Variants in WRNIP1 observed in about 807,000 individuals in gnomAD.
WRNIP1 encodes ATPase WRNIP1.
A neutral mutation model predicts 56.1 loss-of-function variants in WRNIP1; 41 were observed. That is an observed-to-expected ratio of 0.73 (90% CI 0.57 to 0.95). The LOEUF is 0.95. WRNIP1 is among the 40% of genes least tolerant of loss of function. The pLI is 0.00. For missense variants in WRNIP1, 1,170 were observed against 939.4 expected, an observed-to-expected ratio of 1.25 and a Z score of -3.21; for synonymous variants, 547 against 398.1, an observed-to-expected ratio of 1.37 and a Z score of -4.45.
In WRNIP1 at chr6:2,766,066, G is replaced by A. The variant is rs1411215226; in HGVS notation, c.444G>A (p.Ala148=). 1 of 1,295,364 alleles carries A rather than the reference G, an allele frequency of 7.7e-7. No individual in the cohort carries two copies. The highest frequency in any genetic ancestry group is 2.4e-5 in the South Asian group (1 of 41,962). 80.2% of individuals were successfully genotyped at this position (1,295,364 alleles called of 1,614,324 possible). A position where few individuals can be genotyped will look rare whatever the true frequency, so the allele number is the denominator to read the frequency against. The change falls in exon 1 of 7, where the codon GCG becomes GCA. Residue 148 remains alanine (A), a synonymous_variant. Transcript: ENST00000380773. ...GSGKRPAAAA[A]AGSASPRSWD... is the part of the protein sequence containing the mutation. The stretch of plus-strand genomic sequence containing the variant: ...GGAAGAGGCCGGCGGCCGCCGCCGC[G>A]GCGGGGAGCGCGTCTCCGCGCAGCT...
chr6:2,768,964 A>C (rs1452966259), intron 2 of WRNIP1, 82 bp downstream of exon 2: 7 of 1,378,624 alleles, frequency 5.1e-6, no homozygotes, highest in Non-Finnish European at 6.9e-6. Context: ...CAAACGCTAG[A>C]GACTTACGAG....
In WRNIP1 at chr6:2,779,387, T is replaced by G; in HGVS notation, c.1381T>G (p.Phe461Val). 1 of 1,614,182 alleles carries G rather than the reference T, an allele frequency of 6.2e-7. No homozygotes were observed. Among genetic ancestry groups the G allele is most frequent in the Non-Finnish European group, 8.5e-7 (1 of 1,180,044 alleles). ...GGCTAGGTTAAGCTCTAGGAAGATG[T>G]TCTGTAAGAAGAGTGGGCAATCCTA... is the stretch of plus-strand genomic sequence containing the variant. ...VLARLSSRKMFCKKSGQSYSP... is the reference protein window; with the variant it reads ...VLARLSSRKMVCKKSGQSYSP... Residue 461 changes from phenylalanine to valine, a missense_variant, in exon 4 of 7, where the codon TTC (phenylalanine) becomes GTC (valine). Phe to Val is a conservative substitution (Grantham distance 50, BLOSUM62 -1). Transcript: ENST00000380773.
In WRNIP1 at chr6:2,766,135, C is replaced by T. The variant is rs914310408; in HGVS notation, c.513C>T (p.Asp171=). The T allele has an allele frequency of 5.6e-6, 7 of 1,239,988 alleles. No homozygotes were observed. Among genetic ancestry groups the T allele is most frequent in the Non-Finnish European group, 7.2e-6 (7 of 970,586 alleles). 76.8% of individuals were successfully genotyped at this position (1,239,988 alleles called of 1,614,324 possible). A position where few individuals can be genotyped will look rare whatever the true frequency, so the allele number is the denominator to read the frequency against. The change falls in exon 1 of 7, where the codon GAC becomes GAT. Residue 171 remains aspartate (D), a synonymous_variant. Transcript: ENST00000380773. ...EAQEEEEAVG[D]GDGDGDADAD... ...AGGAGGAGGAGGAGGCCGTGGGCGACGGCGATGGCGACGGGGACGCGGACG... is the reference window on the plus strand; with the variant it reads ...AGGAGGAGGAGGAGGCCGTGGGCGATGGCGATGGCGACGGGGACGCGGACG...
chr6:2,765,541 GC>G lies in WRNIP1; in HGVS notation c.-80del. On this transcript the variant is annotated 5_prime_UTR_variant, in exon 1 of 7. An upstream open reading frame in the 5' UTR loses its in-frame stop. Transcript: ENST00000380773. ...CCGAGCGAGGGTCTCGCGGCGCGGG[GC>G]CTAGCGGAGGGCATCGAAGGCCTCC... The G allele has an allele frequency of 7.4e-7, 1 of 1,349,262 alleles. No individual in the cohort carries two copies. The highest frequency in any genetic ancestry group is 9.4e-7 in the Non-Finnish European group (1 of 1,058,310). The allele number at this position is 1,349,262 out of a possible 1,614,324, so 83.6% of individuals were successfully genotyped here.
chr6:2,783,346 A>G, intron 4 of WRNIP1, 60 bp from the exon 5 acceptor site: 1 of 1,477,032 alleles, frequency 6.8e-7, no homozygotes, highest in African/African-American at 1.4e-5. Flanking sequence ...GGCGGAGGTG[A>G]AGATGGCTTG....
intron 4 of WRNIP1, 83 bp downstream of exon 4, chr6:2,779,575 G>T: frequency 7.1e-7 from 1 of 1,403,794 alleles, no homozygotes; most frequent in Non-Finnish European, 9.7e-7. Flanking sequence ...GCCTGACTGG[G>T]TTCCGGAAGC....
At chr6:2,766,623 G>A (rs185090233) in intron 1 of WRNIP1, among the ~76,000 whole-genome samples, 179 bp downstream of exon 1, 66 of 152,334 alleles carry the variant, frequency 4.3e-4, no homozygotes, top group African/African-American at 1.3e-3. Context: ...TGTGATGGGT[G>A]TGAAAAGGGC....
chr6:2,772,956 TTGTATTC>T (rs1308930178), intron 3 of WRNIP1: 2 of 985,236 alleles, frequency 2.0e-6, no homozygotes, highest in Admixed American at 6.1e-5. Context: ...TGGTGTGCAT[TTGTATTC>T]TTGTGTCATG....
chr6:2,768,314 G>T (rs1183162772), intron 1 of WRNIP1, among the ~76,000 whole-genome samples: 1 of 152,072 alleles, frequency 6.6e-6, no homozygotes, highest in Non-Finnish European at 1.5e-5. Flanking sequence ...GTGCTGTCTC[G>T]GCTAGAGGAG....
At chr6:2,770,426 C>T in intron 3 of WRNIP1, 65 bp downstream of exon 3, 1 of 1,593,140 alleles carries the variant, frequency 6.3e-7, no homozygotes, top group African/African-American at 1.3e-5. Context: ...GGCAGGGGGC[C>T]AGAAAGGGCC....
intron 2 of WRNIP1, among the ~76,000 whole-genome samples, chr6:2,769,213 T>G (rs1765171969): frequency 6.6e-6 from 1 of 152,222 alleles, no homozygotes; most frequent in Non-Finnish European, 1.5e-5. Flanking sequence ...GATTTTAAGG[T>G]CATTATTTTA....
intron 3 of WRNIP1, chr6:2,772,938 G>C: frequency 1.0e-6 from 1 of 981,244 alleles, no homozygotes. Flanking sequence ...CTCTCTCCAG[G>C]AAGCTATTGG....
intron 2 of WRNIP1, 101 bp from the exon 3 acceptor site, chr6:2,770,019 T>C: frequency 6.6e-7 from 1 of 1,525,710 alleles, no homozygotes; most frequent in South Asian, 1.2e-5. Flanking sequence ...ACTCGAAAGA[T>C]AAAAATGAGG....
chr6:2,765,603 C>A lies in WRNIP1; in HGVS notation c.-20C>A. The A allele has an allele frequency of 6.7e-7, 1 of 1,494,652 alleles. No homozygotes were observed. The highest frequency in any genetic ancestry group is 8.9e-7 in the Non-Finnish European group (1 of 1,129,906). The allele number at this position is 1,494,652 out of a possible 1,614,324, so 92.6% of individuals were successfully genotyped here. On this transcript the variant is annotated 5_prime_UTR_variant, in exon 1 of 7. Coordinates refer to ENST00000380773, the MANE Select transcript of WRNIP1 (RefSeq NM_020135.3). ...GGGTTGCTGCGGCCGCGCCGGGCGC[C>A]GGGGAGGGCGGCGGCCGCCATGGAG...
At chr6:2,783,278 A>C in intron 4 of WRNIP1, 128 bp from the exon 5 acceptor site, 1 of 1,079,524 alleles carries the variant, frequency 9.3e-7, no homozygotes, top group Non-Finnish European at 1.3e-6. Flanking sequence ...GCAGCTGCCC[A>C]AACCTCTCCT....
At position 2,779,401 on chromosome 6, in the gene WRNIP1, T is replaced by C. The variant is rs1486337785; in HGVS notation, c.1395T>C (p.Ser465=). 15 of 1,613,804 alleles carry C rather than the reference T, an allele frequency of 9.3e-6. No homozygotes were observed. The highest frequency in any genetic ancestry group is 1.7e-5 in the Admixed American group (1 of 59,970). The change falls in exon 4 of 7, where the codon AGT becomes AGC. Residue 465 remains serine (S), a synonymous_variant. Transcript: ENST00000380773. ...LSSRKMFCKK[S]GQSYSPSRVL... is the part of the protein sequence containing the mutation. The stretch of plus-strand genomic sequence containing the variant: ...CTAGGAAGATGTTCTGTAAGAAGAG[T>C]GGGCAATCCTATTCTCCCAGTAGAG...
Position 2,786,298 on chromosome 6 carries a change from G to T in WRNIP1, c.*1016G>T, listed in dbSNP as rs34187912. On this transcript the variant is annotated 3_prime_UTR_variant, in exon 7 of 7. Coordinates refer to ENST00000380773, the MANE Select transcript of WRNIP1 (RefSeq NM_020135.3). Reference sequence around the variant, plus strand: ...ATTCTGAGTGAGATGCCCATTTTCTGGATGCTCCATCCCGCCTTACTGGTT... The same window carrying T: ...ATTCTGAGTGAGATGCCCATTTTCTTGATGCTCCATCCCGCCTTACTGGTT... The T allele has an allele frequency of 0.016, 2,467 of 152,534 alleles. 33 individuals carry two copies. Among genetic ancestry groups the T allele is most frequent in the Non-Finnish European group, 0.025 (1,710 of 68,202 alleles). The allele number at this position is 152,534 out of a possible 1,614,324, so 9.4% of individuals were successfully genotyped here. A position where few individuals can be genotyped will look rare whatever the true frequency, so the allele number is the denominator to read the frequency against.
chr6:2,770,479 A>T, intron 3 of WRNIP1, 118 bp downstream of exon 3: 1 of 1,378,922 alleles, frequency 7.3e-7, no homozygotes, highest in Middle Eastern at 2.5e-4. Context: ...AGAAATGTTG[A>T]TCCGCCCGTA....
At position 2,785,143 on chromosome 6, in the gene WRNIP1, A is replaced by T. The variant is rs1187842395; in HGVS notation, c.1859A>T (p.Asn620Ile). The T allele has an allele frequency of 2.5e-6, 4 of 1,614,086 alleles. No homozygotes were observed. Among genetic ancestry groups the T allele is most frequent in the Non-Finnish European group, 3.4e-6 (4 of 1,180,048 alleles). Reference sequence around the variant, plus strand: ...CCCCCCGTGCCCCTGCACCTGAGGAACGCGCCCACTAGGCTGATGAAGGAT... The same window carrying T: ...CCCCCCGTGCCCCTGCACCTGAGGATCGCGCCCACTAGGCTGATGAAGGAT... ...PLPPVPLHLR[N>I]APTRLMKDLG... Residue 620 changes from asparagine to isoleucine, a missense_variant, in exon 7 of 7, where the codon AAC becomes ATC. Transcript: ENST00000380773.
Sources: gnomAD v4.1 joint callset for allele counts (sites outside exome capture counted in the v4.1 genomes callset) on GRCh38, gnomAD v4.1.1 for gene constraint, MANE v1.5 for transcripts, NCBI Gene and HGNC (gene_info 2026-07-23, HGNC 2026-07-21) for gene names.